SLC9C2: variants seen among roughly 807,000 people sequenced by gnomAD.
SLC9C2 encodes the protein sodium/hydrogen exchanger 11.
In SLC9C2, 75 loss-of-function variants were observed where a neutral mutation model predicts 140.2. The observed-to-expected ratio is 0.53, with a 90% CI of 0.44 to 0.65. SLC9C2 has a LOEUF of 0.65. Ranked by LOEUF, SLC9C2 falls within the 30% of genes least tolerant of loss-of-function variation. The pLI is 0.00. For missense variants in SLC9C2, 1,074 were observed against 1,331.8 expected, an observed-to-expected ratio of 0.81 and a Z score of 3.01; for synonymous variants, 375 against 420.9, an observed-to-expected ratio of 0.89 and a Z score of 1.34.
intron 13 of SLC9C2, among the ~76,000 whole-genome samples, chr1:173,544,273 G>A (rs1237116479): frequency 6.6e-6 from 1 of 152,198 alleles, no homozygotes. Context: ...ATCATCATTG[G>A]TCATCAGAAA....
intron 9 of SLC9C2, among the ~76,000 whole-genome samples, chr1:173,566,720 GA>G (rs1369999110): frequency 4.1e-5 from 6 of 146,854 alleles, no homozygotes; most frequent in African/African-American, 1.5e-4. Context: ...TACCAATTTT[GA>G]GTTTGGTTTG....
At chr1:173,586,925 G>A (rs763583216) in intron 5 of SLC9C2, among the ~76,000 whole-genome samples, 3 of 152,032 alleles carry the variant, frequency 2.0e-5, no homozygotes, top group African/African-American at 4.8e-5. Flanking sequence ...GTCAATAGGT[G>A]CAGCAAACTA....
intron 21 of SLC9C2, 143 bp from the exon 22 acceptor site, chr1:173,521,542 T>C (rs1013415078): frequency 3.4e-5 from 9 of 262,196 alleles, no homozygotes; most frequent in Non-Finnish European, 6.6e-5. Flanking sequence ...ATATATGATT[T>C]TAAAGCTAAA....
chr1:173,585,339 GTATAT>G (rs1665787440), intron 5 of SLC9C2, among the ~76,000 whole-genome samples: 1 of 152,056 alleles, frequency 6.6e-6, no homozygotes, highest in Non-Finnish European at 1.5e-5. Context: ...TTGTAGTTCT[GTATAT>G]TATAATTTTA....
At chr1:173,552,382 TA>T (rs1353065775) in intron 11 of SLC9C2, among the ~76,000 whole-genome samples, 11 of 152,224 alleles carry the variant, frequency 7.2e-5, no homozygotes, top group Non-Finnish European at 2.9e-5. Context: ...TCAATGCAGA[TA>T]AACAGCCTTA....
At chr1:173,580,109 G>T (rs1184206799) in intron 7 of SLC9C2, among the ~76,000 whole-genome samples, 1 of 152,186 alleles carries the variant, frequency 6.6e-6, no homozygotes, top group African/African-American at 2.4e-5. Context: ...CCAGTTCAAG[G>T]TTGGGGCGGT....
intron 5 of SLC9C2, among the ~76,000 whole-genome samples, chr1:173,586,897 A>C (rs1665885697): frequency 6.6e-6 from 1 of 152,076 alleles, no homozygotes; most frequent in South Asian, 2.1e-4. Context: ...AGGTGAGGGG[A>C]GTGAGCTTAG....
At chr1:173,586,817 G>T (rs1665877757) in intron 5 of SLC9C2, among the ~76,000 whole-genome samples, 2 of 152,086 alleles carry the variant, frequency 1.3e-5, no homozygotes, top group African/African-American at 4.8e-5. Flanking sequence ...CTCATAAGTG[G>T]GAGTTGAACA....
chr1:173,591,527 C>T (rs1666161351), intron 4 of SLC9C2, among the ~76,000 whole-genome samples: 1 of 152,022 alleles, frequency 6.6e-6, no homozygotes, highest in Non-Finnish European at 1.5e-5. Flanking sequence ...TCTGGAACCT[C>T]GACAGTATCT....
At position 173,533,740 on chromosome 1, in the gene SLC9C2, T is replaced by TA. The variant is rs1163257017; in HGVS notation, c.2031dup (p.Ile678TyrfsTer8). Reference sequence around the variant, plus strand: ...ATATCAATGATTCCAATAACCAGGATAAAAAATTCCAAAGTATTCCAACAT... The same window carrying TA: ...ATATCAATGATTCCAATAACCAGGATAAAAAAATTCCAAAGTATTCCAACAT... On this transcript the variant is annotated frameshift_variant, in exon 17 of 28. Coordinates refer to ENST00000367714, the MANE Select transcript of SLC9C2 (RefSeq NM_178527.4). LOFTEE classifies it high-confidence loss of function. 3.1e-6 allele frequency: 5 copies of TA among 1,606,764 alleles called. No homozygotes were observed. In the South Asian group the frequency reaches 3.3e-5, roughly 11 times the overall value.
intron 4 of SLC9C2, 87 bp from the exon 5 acceptor site, chr1:173,587,917 G>C: frequency 1.9e-6 from 2 of 1,027,610 alleles, no homozygotes; most frequent in African/African-American, 1.6e-5. Flanking sequence ...GTCAGATCTT[G>C]GTTGTAAATG....
Position 173,581,842 on chromosome 1 carries a change from C to A in SLC9C2, c.802+5G>T. On this transcript the variant is annotated splice_donor_5th_base_variant and intron_variant, in intron 7 of 27. Transcript: ENST00000367714. ...CAGTAATTTTTGTATTTATTTCAGC[C>A]TTACCAATATAGAAAGTCATGTACA... 1 of 1,526,684 alleles carries A rather than the reference C, an allele frequency of 6.6e-7. No homozygotes were observed. Among genetic ancestry groups the A allele is most frequent in the Non-Finnish European group, 8.9e-7 (1 of 1,129,180 alleles). The allele number at this position is 1,526,684 out of a possible 1,614,324, so 94.6% of individuals were successfully genotyped here.
At chr1:173,542,261 G>T (rs1365171975) in intron 13 of SLC9C2, among the ~76,000 whole-genome samples, 1 of 152,152 alleles carries the variant, frequency 6.6e-6, no homozygotes, top group East Asian at 1.9e-4. Context: ...AAATCTAGAA[G>T]AAATGGATAA....
chr1:173,534,026 T>A (rs960763982), intron 16 of SLC9C2, among the ~76,000 whole-genome samples: 1 of 152,064 alleles, frequency 6.6e-6, no homozygotes, highest in Non-Finnish European at 1.5e-5. Flanking sequence ...AAAACAACTA[T>A]TAAAAATAGC....
Position 173,554,717 on chromosome 1 carries a change from G to A in SLC9C2, c.1297+16C>T. The A allele has an allele frequency of 1.3e-6, 2 of 1,535,876 alleles. No individual in the cohort carries two copies. Among genetic ancestry groups the A allele is most frequent in the African/African-American group, 1.4e-5 (1 of 73,428 alleles). On this transcript the variant is annotated intron_variant, in intron 11 of 27. Transcript: ENST00000367714. The stretch of plus-strand genomic sequence containing the variant: ...TATTCTCCCCAGCTAATTCATGAAT[G>A]AGACACATACTTTACCTAACTTCCT...
At chr1:173,544,212 C>T (rs1471205227) in intron 13 of SLC9C2, among the ~76,000 whole-genome samples, 3 of 152,222 alleles carry the variant, frequency 2.0e-5, no homozygotes, top group Admixed American at 2.0e-4. Context: ...TGAACAGCCA[C>T]TTCTCAAAAG....
intron 19 of SLC9C2, 86 bp from the exon 20 acceptor site, chr1:173,525,013 A>G: frequency 7.4e-7 from 1 of 1,359,018 alleles, no homozygotes; most frequent in African/African-American, 1.5e-5. Flanking sequence ...TAATTTCCAA[A>G]GCATTTACAC....
chr1:173,523,747 T>C (rs1031550963), intron 21 of SLC9C2, among the ~76,000 whole-genome samples: 2 of 152,224 alleles, frequency 1.3e-5, no homozygotes, highest in Admixed American at 6.5e-5. Context: ...GTCAGACACA[T>C]ATAGCTACTC....
rs148511932 is a variant in SLC9C2, at chr1:173,553,790, A to C, written c.1297+943T>G. 4.4e-3 allele frequency among the ~76,000 whole-genome samples: 670 copies of C among 152,294 alleles called. 6 individuals carry two copies. Among genetic ancestry groups the C allele is most frequent in the African/African-American group, 0.015 (628 of 41,552 alleles). ...GCTTTGTCACGTGGTCTGGAATTGA[A>C]CCTGCAATATCTCCAAGTTATGCCT... On this transcript the variant is annotated intron_variant, in intron 11 of 27. Coordinates refer to ENST00000367714, the MANE Select transcript of SLC9C2 (RefSeq NM_178527.4).
Sources: gnomAD v4.1 joint callset for allele counts (sites outside exome capture counted in the v4.1 genomes callset) on GRCh38, gnomAD v4.1.1 for gene constraint, MANE v1.5 for transcripts, NCBI Gene and HGNC (gene_info 2026-07-23, HGNC 2026-07-21) for gene names.